Variants in TLL1 observed in about 807,000 individuals in gnomAD.
TLL1 encodes the protein tolloid like 1, also known as tolloid-like protein 1.
TLL1 carries 49 observed loss-of-function variants against 128.2 expected under a neutral mutation model. The observed-to-expected ratio is 0.38, with a 90% CI of 0.30 to 0.48. The LOEUF (loss-of-function observed/expected upper bound fraction) is 0.48. TLL1 is among the 20% of genes least tolerant of loss of function. TLL1 has a pLI of 0.96. For missense variants in TLL1, 1,123 were observed against 1,242.0 expected (o/e 0.90, Z 1.44); for synonymous variants, 454 against 418.8 (o/e 1.08, Z -1.03).
intron 1 of TLL1, among the ~76,000 whole-genome samples, chr4:165,933,063 A>G (rs937120781): frequency 1.3e-5 from 2 of 152,238 alleles, no homozygotes; most frequent in African/African-American, 4.8e-5. Context: ...ATACTGTACT[A>G]TATGTGCAAA....
rs1296748378 is a variant in TLL1, at chr4:166,039,072, ACTTT to A, written c.1159-266_1159-263del. 3.8e-3 allele frequency among the ~76,000 whole-genome samples: 574 copies of A among 152,294 alleles called. 4 individuals are homozygous for A. Among genetic ancestry groups the A allele is most frequent in the African/African-American group, 0.013 (543 of 41,574 alleles). On this transcript the variant is annotated intron_variant, in intron 9 of 20. Transcript: ENST00000061240. Reference sequence around the variant, plus strand: ...AATTGTCCAGATTAACTTTACAGAAACTTTTTGTTAATTGCTAACATATCTAGTT... The same window carrying A: ...AATTGTCCAGATTAACTTTACAGAAATTGTTAATTGCTAACATATCTAGTT...
In TLL1 at chr4:165,899,530, T is replaced by G. The variant is rs183664287; in HGVS notation, c.169+25457T>G. On this transcript the variant is annotated intron_variant, in intron 1 of 20. Coordinates refer to ENST00000061240, the MANE Select transcript of TLL1 (RefSeq NM_012464.5). ...GTTCTGTTTCCATGTATTTGTGCGG[T>G]TTTGAGTGAGTTTCTTAATCCTGAG... is the stretch of plus-strand genomic sequence containing the variant. 1.9e-3 allele frequency among the ~76,000 whole-genome samples: 282 copies of G among 152,308 alleles called. 1 individual carries two copies. The highest frequency in any genetic ancestry group is 6.4e-3 in the African/African-American group (264 of 41,566).
chr4:166,001,233 G>A (rs568048650), intron 5 of TLL1, among the ~76,000 whole-genome samples: 12 of 152,184 alleles, frequency 7.9e-5, no homozygotes, highest in Admixed American at 5.2e-4. Context: ...ACTATTCAAA[G>A]CCGACCATTT....
At chr4:166,000,353 T>A (rs1221414797) in intron 5 of TLL1, among the ~76,000 whole-genome samples, 3 of 152,226 alleles carry the variant, frequency 2.0e-5, no homozygotes, top group African/African-American at 7.2e-5. Flanking sequence ...CTCCAAGACC[T>A]TTAATTAGTT....
Position 166,070,935 on chromosome 4 carries a change from C to T in TLL1, c.2189-3943C>T, listed in dbSNP as rs115642089. The stretch of plus-strand genomic sequence containing the variant: ...CTTGTATGATTTTGAATCCTGCTTC[C>T]AAGTTTTCATCATTATTGAAATTTA... On this transcript the variant is annotated intron_variant, in intron 16 of 20. Transcript: ENST00000061240. Among the ~76,000 whole-genome samples the T allele has an allele frequency of 2.5e-3, 381 of 151,992 alleles. 3 individuals carry two copies. Among genetic ancestry groups the T allele is most frequent in the African/African-American group, 8.5e-3 (353 of 41,508 alleles).
chr4:165,969,731 T>G (rs1246442277), intron 1 of TLL1, among the ~76,000 whole-genome samples: 2 of 152,164 alleles, frequency 1.3e-5, no homozygotes, highest in African/African-American at 4.8e-5. Context: ...CTTGATGTCA[T>G]GAAAATAGAG....
At chr4:165,927,484 C>T (rs542064107) in intron 1 of TLL1, among the ~76,000 whole-genome samples, 26 of 152,202 alleles carry the variant, frequency 1.7e-4, no homozygotes, top group Admixed American at 9.2e-4. Context: ...TTTAATAAAA[C>T]GGATTAATAA....
intron 15 of TLL1, among the ~76,000 whole-genome samples, chr4:166,060,992 C>T (rs972292336): frequency 1.3e-5 from 2 of 152,040 alleles, no homozygotes; most frequent in African/African-American, 4.8e-5. Flanking sequence ...ACGTTTTTAA[C>T]GTTTATTAAA....
At chr4:165,972,361 C>G (rs1172873711) in intron 1 of TLL1, among the ~76,000 whole-genome samples, 1 of 152,128 alleles carries the variant, frequency 6.6e-6, no homozygotes, top group Non-Finnish European at 1.5e-5. Flanking sequence ...TGTGGAAGGA[C>G]TTTAATATCA....
At chr4:166,018,042 G>C (rs544054068) in intron 8 of TLL1, among the ~76,000 whole-genome samples, 19 of 152,154 alleles carry the variant, frequency 1.2e-4, no homozygotes, top group Non-Finnish European at 1.3e-4. Flanking sequence ...ACCCAGAAGA[G>C]AGTAAGAGTT....
intron 1 of TLL1, among the ~76,000 whole-genome samples, chr4:165,903,764 C>A (rs1278527874): frequency 1.4e-5 from 2 of 145,182 alleles, no homozygotes; most frequent in South Asian, 2.2e-4. Context: ...CACACACACA[C>A]AAATAATAAT....
Position 166,099,511 on chromosome 4 carries a change from G to T in TLL1, c.2891G>T (p.Arg964Leu). 6.2e-7 allele frequency: 1 copy of T among 1,612,832 alleles called. No homozygotes were observed. Among genetic ancestry groups the T allele is most frequent in the Non-Finnish European group, 8.5e-7 (1 of 1,179,480 alleles). ...GATTCAACAGCTGTGGGGCTTGGTC[G>T]ATTCTGTGGATCCGGGGTAAATATA... ...GLDSTAVGLGRFCGSGPPEEI... is the reference protein window; with the variant it reads ...GLDSTAVGLGLFCGSGPPEEI... The change falls in exon 20 of 21, where the codon CGA becomes CTA. Residue 964 changes from arginine (R) to leucine (L), a missense_variant. Physicochemically the swap from Arg to Leu is moderately radical, Grantham distance 102 (BLOSUM62 -2). This residue lies in a region of TLL1 where 634 missense variants were observed against 672.4 expected (regional missense o/e 0.94). Transcript: ENST00000061240.
chr4:165,910,407 T>G (rs530478587), intron 1 of TLL1, among the ~76,000 whole-genome samples: 1 of 152,326 alleles, frequency 6.6e-6, no homozygotes, highest in South Asian at 2.1e-4. Context: ...GGAAAAACTG[T>G]AAGACAGAAT....
intron 18 of TLL1, among the ~76,000 whole-genome samples, chr4:166,084,124 T>A (rs1261920052): frequency 6.6e-6 from 1 of 152,154 alleles, no homozygotes; most frequent in East Asian, 1.9e-4. Context: ...TGATTTGCAT[T>A]TTCTGGATGG....
chr4:166,098,299 C>T (rs1216193963), intron 19 of TLL1, among the ~76,000 whole-genome samples: 1 of 118,880 alleles, frequency 8.4e-6, no homozygotes, highest in Non-Finnish European at 1.6e-5. Context: ...CACGCCACTG[C>T]ACACCAGCCT....
chr4:166,077,762 A>G (rs1741099527), intron 17 of TLL1, 141 bp from the exon 18 acceptor site: 2 of 1,082,832 alleles, frequency 1.8e-6, no homozygotes, highest in African/African-American at 1.6e-5. Context: ...GCAGATGAAT[A>G]TAATAACCGA....
intron 19 of TLL1, among the ~76,000 whole-genome samples, chr4:166,092,926 C>T (rs1393671284): frequency 3.3e-5 from 5 of 152,090 alleles, no homozygotes; most frequent in African/African-American, 4.8e-5. Flanking sequence ...AAATAATACT[C>T]CCAAGGTTAC....
intron 1 of TLL1, among the ~76,000 whole-genome samples, chr4:165,973,910 C>T (rs1170247539): frequency 1.3e-5 from 2 of 152,094 alleles, no homozygotes; most frequent in Non-Finnish European, 2.9e-5. Flanking sequence ...AGGTGATCCA[C>T]CTGCCTCGGC....
intron 1 of TLL1, among the ~76,000 whole-genome samples, chr4:165,942,468 T>C (rs1236041204): frequency 1.3e-5 from 2 of 151,972 alleles, no homozygotes; most frequent in African/African-American, 4.8e-5. Flanking sequence ...TCTATCTCCA[T>C]GATTGGGTTG....
Sources: allele counts gnomAD v4.1 joint callset (sites outside exome capture counted in the v4.1 genomes callset), GRCh38; gene constraint gnomAD v4.1.1; regional missense constraint gnomAD v4.1.1; transcripts MANE v1.5; gene names NCBI Gene and HGNC (gene_info 2026-07-23, HGNC 2026-07-21).